RBBP6: variants seen among roughly 807,000 people sequenced by gnomAD.
The protein encoded by RBBP6 is E3 ubiquitin-protein ligase RBBP6.
RBBP6 carries 25 observed loss-of-function variants against 167.7 expected under a neutral mutation model. That is an observed-to-expected ratio of 0.15 (90% CI 0.11 to 0.21). The LOEUF is 0.21. RBBP6 is among the 10% of genes least tolerant of loss of function. The probability of loss-of-function intolerance (pLI) is 1.00; values close to 1 mark genes in which losing one functional copy is unlikely to be tolerated. For missense variants in RBBP6, 1,868 were observed against 2,134.2 expected (o/e 0.88, Z 2.46); for synonymous variants, 789 against 735.8 (o/e 1.07, Z -1.17).
chr16:24,550,087 A>G (rs1898759369), intron 3 of RBBP6, among the ~76,000 whole-genome samples: 1 of 151,982 alleles, frequency 6.6e-6, no homozygotes, highest in Admixed American at 6.6e-5. Context: ...ACACAATGCA[A>G]GATGTCTAAA....
At position 24,553,988 on chromosome 16, in the gene RBBP6, A is replaced by G. The variant is rs1428591221; in HGVS notation, c.348+431A>G. 1.1e-4 allele frequency: 17 copies of G among 154,510 alleles called. 1 individual carries two copies. Among genetic ancestry groups the G allele is most frequent in the Admixed American group, 1.1e-3 (17 of 15,716 alleles). 9.6% of individuals were successfully genotyped at this position (154,510 alleles called of 1,614,324 possible). ...TTGACTTGATCCCATGAAGGTCAAT[A>G]TTTTAAATGTGATGCAGTTGTTTCT... On this transcript the variant is annotated intron_variant, in intron 4 of 17. Transcript: ENST00000319715.
rs762074431 is a variant in RBBP6 at position 24,563,634 on chromosome 16, G to A, written c.1490G>A (p.Arg497His). 16 of 1,610,438 alleles carry A rather than the reference G, an allele frequency of 9.9e-6. No individual in the cohort carries two copies. In the East Asian group the frequency reaches 1.1e-4, roughly 11 times the overall value. ...TTGPVRINTA[R>H]PGGGRPGWEH... ...GGTCCAGTAAGAATAAATACTGCTCGTCCAGGTGGTGGTCGACCAGGCTGG... is the reference window on the plus strand; with the variant it reads ...GGTCCAGTAAGAATAAATACTGCTCATCCAGGTGGTGGTCGACCAGGCTGG... The change falls in exon 13 of 18, where the codon CGT (arginine) becomes CAT (histidine). Residue 497 changes from arginine (R) to histidine (H), a missense_variant. Around this residue, in one of 7 missense-constraint regions of RBBP6, gnomAD observed 245 missense variants for 240.1 expected, o/e 1.02. Coordinates refer to ENST00000319715, the MANE Select transcript of RBBP6 (RefSeq NM_006910.5).
At chr16:24,541,435 A>G (rs961066536) in intron 1 of RBBP6, among the ~76,000 whole-genome samples, 1 of 152,216 alleles carries the variant, frequency 6.6e-6, no homozygotes, top group Admixed American at 6.5e-5. Flanking sequence ...AGAATTAGTA[A>G]TACGGCAATT....
At chr16:24,556,214 TA>T in intron 6 of RBBP6, 93 bp from the exon 7 acceptor site, 1 of 1,015,176 alleles carries the variant, frequency 9.9e-7, no homozygotes, top group Non-Finnish European at 1.5e-6. Context: ...GCACTACAAG[TA>T]ATATAGTAAG....
At chr16:24,566,345 G>A (rs953626891) in intron 14 of RBBP6, among the ~76,000 whole-genome samples, 7 of 152,180 alleles carry the variant, frequency 4.6e-5, no homozygotes, top group Admixed American at 2.0e-4. Context: ...GAGAGAAAGC[G>A]TTGATATTTT....
rs755614989 is a variant in RBBP6, at chr16:24,571,204, G to A, written c.4138G>A (p.Val1380Met). ...SEKIQKFTKD[V>M]SHEIIQHEVK... ...GAAAATTCAGAAATTCACCAAGGAC[G>A]TGAGCCATGAAATCATACAACATGA... Residue 1380 changes from valine to methionine, a missense_variant, in exon 18 of 18, where the codon GTG becomes ATG. This residue lies in a region of RBBP6 where 591 missense variants were observed against 540.5 expected (regional missense o/e 1.09). Coordinates refer to ENST00000319715, the MANE Select transcript of RBBP6 (RefSeq NM_006910.5). 1.5e-5 allele frequency: 25 copies of A among 1,613,838 alleles called. No homozygotes were observed. Among genetic ancestry groups the A allele is most frequent in the African/African-American group, 4.0e-5 (3 of 74,890 alleles).
In RBBP6 at chr16:24,564,933, T is replaced by C. The variant is rs1363572414; in HGVS notation, c.1589+68T>C. ...TATATATATATCTCACCAAAGAAAT[T>C]AAAGCACAGCAGTGGCAGGAAGGAA... On this transcript the variant is annotated intron_variant, in intron 14 of 17. Coordinates refer to ENST00000319715, the MANE Select transcript of RBBP6 (RefSeq NM_006910.5). 4 of 1,538,592 alleles carry C rather than the reference T, an allele frequency of 2.6e-6. No individual in the cohort carries two copies. The East Asian group carries it at 7.4e-5, about 28-fold the overall frequency.
intron 14 of RBBP6, 117 bp downstream of exon 14, chr16:24,564,982 CT>C: frequency 7.0e-7 from 1 of 1,430,418 alleles, no homozygotes; most frequent in Non-Finnish European, 9.2e-7. Flanking sequence ...TTGTATTGTG[CT>C]TATCCCTCTT....
Position 24,563,606 on chromosome 16 carries a change from C to T in RBBP6, c.1466-4C>T, listed in dbSNP as rs1320249418. 1 of 1,611,244 alleles carries T rather than the reference C, an allele frequency of 6.2e-7. No individual in the cohort carries two copies. The highest frequency in any genetic ancestry group is 1.7e-5 in the Admixed American group (1 of 59,676). ...TACCTACTGCTTTTATTTTTTGTTT[C>T]TAGGTCCAGTAAGAATAAATACTGC... is the stretch of plus-strand genomic sequence containing the variant. On this transcript the variant is annotated splice_region_variant and splice_polypyrimidine_tract_variant and intron_variant, in intron 12 of 17. Coordinates refer to ENST00000319715, the MANE Select transcript of RBBP6 (RefSeq NM_006910.5).
rs1452051182 is a variant in RBBP6 at position 24,570,186 on chromosome 16, A to G, written c.3496A>G (p.Lys1166Glu). ...VDKDFESSSM[K>E]ISKLEVTEIV... The stretch of plus-strand genomic sequence containing the variant: ...TAAAGATTTTGAGTCTTCTTCAATG[A>G]AAATCTCGAAACTAGAAGTGACTGA... Residue 1166 changes from lysine (K) to glutamate (E), a missense_variant, in exon 17 of 18, where the codon AAA (lysine) becomes GAA (glutamate). This residue lies in a region of RBBP6 where 673 missense variants were observed against 691.5 expected (regional missense o/e 0.97). Coordinates refer to ENST00000319715, the MANE Select transcript of RBBP6 (RefSeq NM_006910.5). 1 of 1,601,170 alleles carries G rather than the reference A, an allele frequency of 6.2e-7. No homozygotes were observed. Among genetic ancestry groups the G allele is most frequent in the Non-Finnish European group, 8.5e-7 (1 of 1,177,144 alleles).
intron 4 of RBBP6, chr16:24,555,186 C>T (rs1898884932): frequency 6.5e-6 from 1 of 153,446 alleles, no homozygotes; most frequent in Non-Finnish European, 1.4e-5. Flanking sequence ...AAAGAGCCTT[C>T]TACTTCTAAT....
At position 24,572,538 on chromosome 16, in the gene RBBP6, A is replaced by G. The variant is rs937569847; in HGVS notation, c.*93A>G. On this transcript the variant is annotated 3_prime_UTR_variant, in exon 18 of 18. Coordinates refer to ENST00000319715, the MANE Select transcript of RBBP6 (RefSeq NM_006910.5). ...AGATTCAAGCCTTGTAAATAATGAC[A>G]TGGAAGACCCTGTGCTGCACTTAAA... 2 of 1,413,198 alleles carry G rather than the reference A, an allele frequency of 1.4e-6. No individual in the cohort carries two copies. The highest frequency in any genetic ancestry group is 1.9e-6 in the Non-Finnish European group (2 of 1,077,672). The allele number at this position is 1,413,198 out of a possible 1,614,324, so 87.5% of individuals were successfully genotyped here. A position where few individuals can be genotyped will look rare whatever the true frequency, so the allele number is the denominator to read the frequency against.
At chr16:24,558,413 T>C (rs1224689519) in intron 7 of RBBP6, 5 of 923,938 alleles carry the variant, frequency 5.4e-6, no homozygotes, top group African/African-American at 1.8e-5. Flanking sequence ...TTTCTCTCTT[T>C]TGGGCAGTGG....
At position 24,540,606 on chromosome 16, in the gene RBBP6, C is replaced by A; in HGVS notation, c.-21C>A. 1.2e-6 allele frequency: 2 copies of A among 1,602,554 alleles called. 1 individual carries two copies. Among genetic ancestry groups the A allele is most frequent in the Non-Finnish European group, 1.7e-6 (2 of 1,172,926 alleles). On this transcript the variant is annotated 5_prime_UTR_variant, in exon 1 of 18. Coordinates refer to ENST00000319715, the MANE Select transcript of RBBP6 (RefSeq NM_006910.5). Reference sequence around the variant, plus strand: ...AGAGTGTCCACGTCTCCTCGCTGAACCTTAGGAATCCCTTGGCACCATGTC... The same window carrying A: ...AGAGTGTCCACGTCTCCTCGCTGAAACTTAGGAATCCCTTGGCACCATGTC...
chr16:24,542,763 T>TG (rs1596497684), intron 1 of RBBP6, among the ~76,000 whole-genome samples: 1 of 152,174 alleles, frequency 6.6e-6, no homozygotes, highest in East Asian at 1.9e-4. Flanking sequence ...AACTTTAGAC[T>TG]GGGTAAGTTA....
chr16:24,567,343 A>G lies in RBBP6; in HGVS notation c.1790A>G (p.Tyr597Cys). The stretch of plus-strand genomic sequence containing the variant: ...CCTGGCCAGCCACCACCCGCTGGGT[A>G]TAGTGTCCCTCCTCCAGGGTTTCCT... ...FPPGQPPPAG[Y>C]SVPPPGFPPA... Residue 597 changes from tyrosine to cysteine, a missense_variant, in exon 15 of 18, where the codon TAT (tyrosine) becomes TGT (cysteine). This residue lies in a region of RBBP6 where 145 missense variants were observed against 224.3 expected (regional missense o/e 0.65). Transcript: ENST00000319715. 6.2e-7 allele frequency: 1 copy of G among 1,613,988 alleles called. No individual in the cohort carries two copies. The highest frequency in any genetic ancestry group is 8.5e-7 in the Non-Finnish European group (1 of 1,179,986).
At chr16:24,556,867 A>C (rs753489607) in intron 7 of RBBP6, among the ~76,000 whole-genome samples, 1 of 152,256 alleles carries the variant, frequency 6.6e-6, no homozygotes, top group Non-Finnish European at 1.5e-5. Flanking sequence ...AGTGTCAGGC[A>C]TAAATGAAAT....
rs1899373800 is a variant in RBBP6 at position 24,572,801 on chromosome 16, T to C, written c.*356T>C. 1.1e-5 allele frequency: 2 copies of C among 187,586 alleles called. No homozygotes were observed. Among genetic ancestry groups the C allele is most frequent in the South Asian group, 2.4e-4 (2 of 8,286 alleles). The allele number at this position is 187,586 out of a possible 1,614,324, so 11.6% of individuals were successfully genotyped here. A position where few individuals can be genotyped will look rare whatever the true frequency, so the allele number is the denominator to read the frequency against. Reference sequence around the variant, plus strand: ...AATATCAGCAGAATGATTTGCTGAATTCATTACAACCCTGTTATGTCACTT... The same window carrying C: ...AATATCAGCAGAATGATTTGCTGAACTCATTACAACCCTGTTATGTCACTT... On this transcript the variant is annotated 3_prime_UTR_variant, in exon 18 of 18. Coordinates refer to ENST00000319715, the MANE Select transcript of RBBP6 (RefSeq NM_006910.5).
chr16:24,540,759 G>A lies in RBBP6; in HGVS notation c.133G>A (p.Asp45Asn). 1 of 1,613,964 alleles carries A rather than the reference G, an allele frequency of 6.2e-7. No homozygotes were observed. Among genetic ancestry groups the A allele is most frequent in the Non-Finnish European group, 8.5e-7 (1 of 1,179,970 alleles). ...GREKLKAADCDLQITNAQTKE... is the reference protein window; with the variant it reads ...GREKLKAADCNLQITNAQTKE... Reference sequence around the variant, plus strand: ...AGAGAAGCTGAAAGCTGCCGACTGCGACCTGCAGATCACCAATGCGCAGAC... The same window carrying A: ...AGAGAAGCTGAAAGCTGCCGACTGCAACCTGCAGATCACCAATGCGCAGAC... The change falls in exon 1 of 18, where the codon GAC (aspartate) becomes AAC (asparagine). Residue 45 changes from aspartate (D) to asparagine (N), a missense_variant. By Grantham distance (23) the Asp-to-Asn change is conservative (BLOSUM62 1). Coordinates refer to ENST00000319715, the MANE Select transcript of RBBP6 (RefSeq NM_006910.5).
Sources: gnomAD v4.1 joint callset for allele counts (sites outside exome capture counted in the v4.1 genomes callset) on GRCh38, gnomAD v4.1.1 for gene constraint, gnomAD v4.1.1 regional missense constraint, MANE v1.5 for transcripts, NCBI Gene and HGNC (gene_info 2026-07-23, HGNC 2026-07-21) for gene names.